The following ACTN4 variants were observed in gnomAD, a reference collection of about 807,000 sequenced individuals.
ACTN4 encodes actinin alpha 4.
A neutral mutation model predicts 114.2 loss-of-function variants in ACTN4; 18 were observed. The observed-to-expected ratio is 0.16, with a 90% CI of 0.11 to 0.23. ACTN4 has a LOEUF of 0.23. ACTN4 is among the 10% of genes least tolerant of loss of function. The pLI is 1.00. For missense variants in ACTN4, 722 were observed against 1,262.9 expected, an observed-to-expected ratio of 0.57 and a Z score of 6.49; for synonymous variants, 515 against 506.3, an observed-to-expected ratio of 1.02 and a Z score of -0.23.
chr19:38,653,779 C>CT (rs939075275), intron 1 of ACTN4, among the ~76,000 whole-genome samples: 6 of 152,134 alleles, frequency 3.9e-5, no homozygotes, highest in African/African-American at 1.4e-4. Context: ...TCCTCCGTTT[C>CT]TTTTTTTATG....
chr19:38,668,743 C>CAG (rs34229804), intron 1 of ACTN4, among the ~76,000 whole-genome samples: 59,872 of 151,906 alleles, frequency 0.39, 12,634 homozygotes, highest in Non-Finnish European at 0.46. Context: ...TGGAAGTGAA[C>CAG]AGTGTTAGGG....
chr19:38,683,392 G>C (rs1310135057), intron 1 of ACTN4, among the ~76,000 whole-genome samples: 1 of 152,102 alleles, frequency 6.6e-6, no homozygotes, highest in East Asian at 1.9e-4. Flanking sequence ...CTCTAACCCA[G>C]ACAGGACTTG....
chr19:38,724,398 C>G lies in ACTN4; in HGVS notation c.1876-33C>G, dbSNP rs1006790357. ...GACGGCGGGGCTGGGGGCCACCTCC[C>G]TGACCGCTCCCACACCGCGTCTCCT... On this transcript the variant is annotated intron_variant, in intron 15 of 20. Coordinates refer to ENST00000252699, the MANE Select transcript of ACTN4 (RefSeq NM_004924.6). The surrounding 1 kb of genome is among the most constrained non-coding windows in gnomAD (Gnocchi z 7.0). The G allele has an allele frequency of 2.5e-6, 4 of 1,612,006 alleles. No homozygotes were observed. The highest frequency in any genetic ancestry group is 3.4e-6 in the Non-Finnish European group (4 of 1,179,442).
intron 1 of ACTN4, among the ~76,000 whole-genome samples, chr19:38,667,367 T>C (rs764460002): frequency 3.3e-5 from 5 of 151,964 alleles, no homozygotes; most frequent in Non-Finnish European, 7.4e-5. Flanking sequence ...TTTAGCAGTC[T>C]CTAAAGAGGC....
Position 38,727,569 on chromosome 19 carries a change from G to A in ACTN4, c.2338-377G>A, listed in dbSNP as rs372980837. On this transcript the variant is annotated intron_variant, in intron 18 of 20. Transcript: ENST00000252699. This position sits in a 1 kb window ranked among gnomAD's most constrained non-coding sequence, Gnocchi z 5.4. ...GTGCAGCCTCAGCTCTGCACCTGGCGCCCCCAGGACAGGATACAGTCCCCT... is the reference window on the plus strand; with the variant it reads ...GTGCAGCCTCAGCTCTGCACCTGGCACCCCCAGGACAGGATACAGTCCCCT... Among the ~76,000 whole-genome samples, 204 of 151,534 alleles carry A rather than the reference G, an allele frequency of 1.3e-3. 4 individuals are homozygous for A. The South Asian group carries it at 0.026, about 20-fold the overall frequency.
At chr19:38,666,442 G>A (rs527575716) in intron 1 of ACTN4, among the ~76,000 whole-genome samples, 1 of 152,184 alleles carries the variant, frequency 6.6e-6, no homozygotes, top group East Asian at 1.9e-4. Context: ...AAGGCCACCC[G>A]GTTTGCGCTT....
In ACTN4 at chr19:38,661,290, C is replaced by A. The variant is rs185489411; in HGVS notation, c.162+13383C>A. Among the ~76,000 whole-genome samples the A allele has an allele frequency of 5.0e-3, 767 of 152,328 alleles. 5 individuals carry two copies. Among genetic ancestry groups the A allele is most frequent in the Non-Finnish European group, 5.1e-3 (347 of 68,032 alleles). On this transcript the variant is annotated intron_variant, in intron 1 of 20. Coordinates refer to ENST00000252699, the MANE Select transcript of ACTN4 (RefSeq NM_004924.6). ...CCAGAACTGACTTCTAAAGTGGGAA[C>A]CCCAAGACGGCAGAACATGAATCAG... is the stretch of plus-strand genomic sequence containing the variant.
At chr19:38,690,709 G>A (rs1967895849) in intron 1 of ACTN4, among the ~76,000 whole-genome samples, 1 of 152,196 alleles carries the variant, frequency 6.6e-6, no homozygotes, top group Non-Finnish European at 1.5e-5. Flanking sequence ...AAAGTGCTGG[G>A]ATTACAGGCG....
At chr19:38,709,718 G>A (rs1363156338) in intron 7 of ACTN4, among the ~76,000 whole-genome samples, 1 of 152,222 alleles carries the variant, frequency 6.6e-6, no homozygotes, top group Admixed American at 6.5e-5. Context: ...AGCGTATGGG[G>A]AGGGGGAGCT....
chr19:38,664,706 G>A lies in ACTN4; in HGVS notation c.162+16799G>A, dbSNP rs192875876. The stretch of plus-strand genomic sequence containing the variant: ...TGAAGGAGAGGGCTGGGGGATATTA[G>A]CACAGCCGGTTCCTATTTCCTTTTC... On this transcript the variant is annotated intron_variant, in intron 1 of 20. Coordinates refer to ENST00000252699, the MANE Select transcript of ACTN4 (RefSeq NM_004924.6). Among the ~76,000 whole-genome samples the A allele has an allele frequency of 1.6e-3, 241 of 152,300 alleles. 2 individuals carry two copies. Among genetic ancestry groups the A allele is most frequent in the African/African-American group, 5.0e-3 (209 of 41,564 alleles).
At position 38,729,604 on chromosome 19, in the gene ACTN4, G is replaced by A. The variant is rs1329517327; in HGVS notation, c.*172G>A. ...GGCTCTCTCCTCTCTCTCTTTGTGG[G>A]TTGGCCAGGAGGTTCCCCCGACCAG... On this transcript the variant is annotated 3_prime_UTR_variant, in exon 21 of 21. Coordinates refer to ENST00000252699, the MANE Select transcript of ACTN4 (RefSeq NM_004924.6). 9.9e-7 allele frequency: 1 copy of A among 1,011,162 alleles called. No homozygotes were observed. Among genetic ancestry groups the A allele is most frequent in the Admixed American group, 2.0e-5 (1 of 50,176 alleles). 62.6% of individuals were successfully genotyped at this position (1,011,162 alleles called of 1,614,324 possible).
At chr19:38,664,420 C>T (rs192316430) in intron 1 of ACTN4, among the ~76,000 whole-genome samples, 2 of 152,098 alleles carry the variant, frequency 1.3e-5, no homozygotes, top group Admixed American at 6.6e-5. Flanking sequence ...GTTAGGGTAG[C>T]GGCGCTTGCC....
chr19:38,673,517 T>TCATATATATTCATATATATGAATA (rs1555826155), intron 1 of ACTN4, among the ~76,000 whole-genome samples: 1 of 80,392 alleles, frequency 1.2e-5, no homozygotes, highest in Non-Finnish European at 2.6e-5. Flanking sequence ...GAATATATAT[T>TCATATATATTCATATATATGAATA]TATATATATT....
At position 38,714,646 on chromosome 19, in the gene ACTN4, G is replaced by A. The variant is rs1968779642; in HGVS notation, c.912+85G>A. 7.1e-6 allele frequency: 10 copies of A among 1,408,368 alleles called. No individual in the cohort carries two copies. The Admixed American group carries it at 1.1e-4, about 15-fold the overall frequency. 87.2% of individuals were successfully genotyped at this position (1,408,368 alleles called of 1,614,324 possible). ...TGACTCTTGCAGGGGGAAAGCAGGT[G>A]TGGCAGCGAGATGACCTAGAAAAGG... On this transcript the variant is annotated intron_variant, in intron 9 of 20. Transcript: ENST00000252699.
chr19:38,654,517 A>T (rs1355787605), intron 1 of ACTN4, among the ~76,000 whole-genome samples: 3 of 150,376 alleles, frequency 2.0e-5, no homozygotes, highest in Non-Finnish European at 4.4e-5. Context: ...AGCTGAGATC[A>T]CGCCACTGCA....
At chr19:38,659,346 C>T (rs1172467906) in intron 1 of ACTN4, among the ~76,000 whole-genome samples, 3 of 152,152 alleles carry the variant, frequency 2.0e-5, no homozygotes, top group South Asian at 4.1e-4. Context: ...TATGAGCCAC[C>T]GCGCCCAGCC....
At position 38,673,498 on chromosome 19, in the gene ACTN4, T is replaced by C. The variant is rs375382684; in HGVS notation, c.162+25591T>C. On this transcript the variant is annotated intron_variant, in intron 1 of 20. Transcript: ENST00000252699. ...ATTTATATATATATTCATATATATT[T>C]ATATATATGAATATATATTTATATA... is the stretch of plus-strand genomic sequence containing the variant. 2.6e-4 allele frequency among the ~76,000 whole-genome samples: 15 copies of C among 57,998 alleles called. 1 individual carries two copies. Among genetic ancestry groups the C allele is most frequent in the Middle Eastern group, 5.9e-3 (1 of 170 alleles). 38.0% of individuals were successfully genotyped at this position (57,998 alleles called of 152,430 possible).
chr19:38,728,083 CCTT>C lies in ACTN4; in HGVS notation c.2418+60_2418+62del, dbSNP rs939006096. On this transcript the variant is annotated intron_variant, in intron 19 of 20. Transcript: ENST00000252699. ...CATTAACTGCTCTCTCTCTCTCTCT[CCTT>C]CTCTCTTTCTCCCCTCGCCATCCCA... The C allele has an allele frequency of 7.0e-5, 108 of 1,537,942 alleles. No homozygotes were observed. In the East Asian group the frequency reaches 8.7e-4, roughly 12 times the overall value.
intron 11 of ACTN4, 190 bp downstream of exon 11, chr19:38,718,264 C>A: frequency 1.0e-6 from 1 of 996,444 alleles, no homozygotes; most frequent in Non-Finnish European, 1.5e-6. Flanking sequence ...CAGTGGCTCA[C>A]ACCTGTAATC....
Sources: allele counts gnomAD v4.1 joint callset (sites outside exome capture counted in the v4.1 genomes callset), GRCh38; gene constraint gnomAD v4.1.1; non-coding constraint Gnocchi (gnomAD v3.1); transcripts MANE v1.5; gene names NCBI Gene and HGNC (gene_info 2026-07-23, HGNC 2026-07-21).